The following SLC10A1 variants were observed in gnomAD, a reference collection of about 807,000 sequenced individuals.
The protein encoded by SLC10A1 is hepatic sodium/bile acid cotransporter.
In SLC10A1, 36 loss-of-function variants were observed where a neutral mutation model predicts 20.5. The ratio of observed to expected loss-of-function variants is 1.75; its 90% CI spans 1.34 to 2.32. The LOEUF is 2.32. SLC10A1 is among the 30% of genes most tolerant of loss of function. The pLI is 0.00. For synonymous variants in SLC10A1, 188 were observed against 163.6 expected, an observed-to-expected ratio of 1.15 and a Z score of -1.14; for missense variants, 545 against 439.1, an observed-to-expected ratio of 1.24 and a Z score of -2.16.
intron 2 of SLC10A1, among the ~76,000 whole-genome samples, chr14:69,783,609 A>G (rs1292026102): frequency 6.6e-6 from 1 of 152,220 alleles, no homozygotes; most frequent in Non-Finnish European, 1.5e-5. Context: ...AACCAAATCA[A>G]GAAGTGCCAC....
rs115690109 is a variant in SLC10A1 at position 69,793,343 on chromosome 14, C to T, written c.356+3457G>A. Among the ~76,000 whole-genome samples, 228 of 152,216 alleles carry T rather than the reference C, an allele frequency of 1.5e-3. No individual in the cohort carries two copies. In the Middle Eastern group the frequency reaches 0.024, roughly 16 times the overall value. On this transcript the variant is annotated intron_variant, in intron 1 of 4. Transcript: ENST00000216540. ...CTTGGTTTACCCCAAGGGACAGGGA[C>T]GGGCAAGGACTTTTTCAGACTCTAG... is the stretch of plus-strand genomic sequence containing the variant.
rs549615149 is a variant in SLC10A1, at chr14:69,776,269, A to G, written c.*13T>C. 6.2e-7 allele frequency: 1 copy of G among 1,603,938 alleles called. No individual in the cohort carries two copies. The highest frequency in any genetic ancestry group is 1.1e-5 in the South Asian group (1 of 90,512). ...TTGCTTTGGGACCAGAATCCAGGCC[A>G]CCAGGGGAAGGGCTAGGCTGTGCAA... On this transcript the variant is annotated 3_prime_UTR_variant, in exon 5 of 5. Transcript: ENST00000216540.
chr14:69,795,047 G>T (rs148173444), intron 1 of SLC10A1, among the ~76,000 whole-genome samples: 45 of 152,240 alleles, frequency 3.0e-4, no homozygotes, highest in South Asian at 1.5e-3. Flanking sequence ...GTACCCCTTC[G>T]CAGGCCCCTG....
rs1594760392 is a variant in SLC10A1, at chr14:69,779,169, A to G, written c.746+13T>C. On this transcript the variant is annotated intron_variant, in intron 3 of 4. Coordinates refer to ENST00000216540, the MANE Select transcript of SLC10A1 (RefSeq NM_003049.4). ...GAGTGAGACCCTTTCTTAAAAAAAA[A>G]AAAAATACCTACCGTCCATTGAGGC... 1 of 1,569,540 alleles carries G rather than the reference A, an allele frequency of 6.4e-7. No homozygotes were observed. The highest frequency in any genetic ancestry group is 8.6e-7 in the Non-Finnish European group (1 of 1,161,258).
At chr14:69,788,064 A>G (rs1253448930) in intron 1 of SLC10A1, among the ~76,000 whole-genome samples, 1 of 151,828 alleles carries the variant, frequency 6.6e-6, no homozygotes, top group Non-Finnish European at 1.5e-5. Context: ...AACAAATGCA[A>G]AGTAGTGGGG....
rs1299364646 is a variant in SLC10A1, at chr14:69,786,253, G to A, written c.411C>T (p.Leu137=). Residue 137 remains leucine (L), a synonymous_variant, in exon 2 of 5, where the codon CTC becomes CTT. Transcript: ENST00000216540. ...TFCALGMMPL[L]LYIYSRGIYD... is the part of the protein sequence containing the mutation. ...AGATCCCCCTGGAGTAGATGTACAG[G>A]AGGAGAGGCATCATGCCAAGGGCAC... 4 of 1,614,088 alleles carry A rather than the reference G, an allele frequency of 2.5e-6. No individual in the cohort carries two copies. The highest frequency in any genetic ancestry group is 2.2e-5 in the East Asian group (1 of 44,868).
At chr14:69,787,647 A>C (rs1472796012) in intron 1 of SLC10A1, among the ~76,000 whole-genome samples, 2 of 152,244 alleles carry the variant, frequency 1.3e-5, no homozygotes, top group African/African-American at 4.8e-5. Context: ...AGGTGAGAAG[A>C]GTCCCTCAAA....
At chr14:69,786,000 T>C in intron 2 of SLC10A1, 97 bp downstream of exon 2, 1 of 836,230 alleles carries the variant, frequency 1.2e-6, no homozygotes, top group Non-Finnish European at 2.0e-6. Context: ...AGTAGGAGCA[T>C]ATGTATGTTT....
intron 1 of SLC10A1, among the ~76,000 whole-genome samples, chr14:69,792,054 T>G (rs1037037967): frequency 6.6e-6 from 1 of 151,700 alleles, no homozygotes; most frequent in African/African-American, 2.4e-5. Context: ...TGGGTTCAAG[T>G]GATTCTCATG....
intron 2 of SLC10A1, among the ~76,000 whole-genome samples, chr14:69,779,776 TAGC>T (rs1344923767): frequency 6.6e-6 from 1 of 152,216 alleles, no homozygotes; most frequent in African/African-American, 2.4e-5. Flanking sequence ...CATCTCTGGA[TAGC>T]AGACTTTCAG....
chr14:69,786,866 C>G (rs534507410), intron 1 of SLC10A1, among the ~76,000 whole-genome samples: 1 of 152,224 alleles, frequency 6.6e-6, no homozygotes, highest in Non-Finnish European at 1.5e-5. Context: ...GAGTGTGAGA[C>G]ACAGTGACAG....
intron 1 of SLC10A1, among the ~76,000 whole-genome samples, chr14:69,792,146 G>T (rs1175294437): frequency 1.3e-5 from 2 of 151,686 alleles, no homozygotes; most frequent in Non-Finnish European, 2.9e-5. Context: ...GTAGAGACGG[G>T]GTTTTGCCAT....
At chr14:69,793,103 G>T (rs1882311793) in intron 1 of SLC10A1, among the ~76,000 whole-genome samples, 1 of 152,166 alleles carries the variant, frequency 6.6e-6, no homozygotes, top group Non-Finnish European at 1.5e-5. Flanking sequence ...AACACAACTT[G>T]TGTGTTTGTT....
Position 69,780,614 on chromosome 14 carries a change from A to C in SLC10A1, c.568-1254T>G, listed in dbSNP as rs533540661. On this transcript the variant is annotated intron_variant, in intron 2 of 4. Transcript: ENST00000216540. Reference sequence around the variant, plus strand: ...TTAACATTTATATTGCTCAAATTTCAGCTGCACAGCTTTGTGTTTCTGTTT... The same window carrying C: ...TTAACATTTATATTGCTCAAATTTCCGCTGCACAGCTTTGTGTTTCTGTTT... Among the ~76,000 whole-genome samples the C allele has an allele frequency of 5.4e-4, 82 of 152,358 alleles. 1 individual carries two copies. The South Asian group carries it at 0.014, about 27-fold the overall frequency.
chr14:69,785,382 C>T (rs1015868562), intron 2 of SLC10A1, among the ~76,000 whole-genome samples: 15 of 152,220 alleles, frequency 9.9e-5, no homozygotes, highest in Non-Finnish European at 2.2e-4. Context: ...CTTCTTGCCA[C>T]ATCAGCCAAA....
Position 69,786,158 on chromosome 14 carries a change from G to A in SLC10A1, c.506C>T (p.Pro169Leu), listed in dbSNP as rs754091270. ...TTTGAGGACGATCCCTATGGTGCAA[G>A]GAATGAGAACCAGGACCAGTGATAT... The part of the protein sequence containing the change: ...IVISLVLVLI[P>L]CTIGIVLKSK... Residue 169 changes from proline (P) to leucine (L), a missense_variant, in exon 2 of 5, where the codon CCT (proline) becomes CTT (leucine). Pro to Leu is a moderately conservative substitution (Grantham distance 98). Transcript: ENST00000216540. 6.8e-6 allele frequency: 11 copies of A among 1,614,138 alleles called. No homozygotes were observed. In the Admixed American group the frequency reaches 1.5e-4, roughly 22 times the overall value.
intron 2 of SLC10A1, among the ~76,000 whole-genome samples, chr14:69,780,588 T>G (rs1000610999): frequency 3.3e-5 from 5 of 152,224 alleles, no homozygotes; most frequent in African/African-American, 1.2e-4. Context: ...CTAACGACAT[T>G]TTAACATTTA....
chr14:69,788,678 G>A (rs1883779407), intron 1 of SLC10A1, among the ~76,000 whole-genome samples: 1 of 151,858 alleles, frequency 6.6e-6, no homozygotes, highest in Non-Finnish European at 1.5e-5. Context: ...CCGAGTAGCT[G>A]GGACTACAGG....
rs573380132 is a variant in SLC10A1 at position 69,776,557 on chromosome 14, C to G, written c.944-169G>C. ...ATGGTTTACTCTTTAAACTCACTTT[C>G]CCCTCAGTCTCCCTAATGGTAGTAC... On this transcript the variant is annotated intron_variant, in intron 4 of 4. Coordinates refer to ENST00000216540, the MANE Select transcript of SLC10A1 (RefSeq NM_003049.4). Among the ~76,000 whole-genome samples the G allele has an allele frequency of 5.3e-5, 8 of 152,316 alleles. No individual in the cohort carries two copies. In the South Asian group the frequency reaches 1.7e-3, roughly 32 times the overall value.
Sources: allele counts gnomAD v4.1 joint callset (sites outside exome capture counted in the v4.1 genomes callset), GRCh38; gene constraint gnomAD v4.1.1; transcripts MANE v1.5; gene names NCBI Gene and HGNC (gene_info 2026-07-23, HGNC 2026-07-21).